The following SIAH1 variants were observed in gnomAD, a reference collection of about 807,000 sequenced individuals.
The protein encoded by SIAH1 is E3 ubiquitin-protein ligase SIAH1.
Under a neutral mutation model 20.0 loss-of-function variants are expected in SIAH1, and 2 were observed. The observed-to-expected ratio is 0.10, with a 90% CI of 0.04 to 0.31. The LOEUF (loss-of-function observed/expected upper bound fraction) is 0.31, where lower values mean the gene tolerates loss of function less well. Among genes scored for constraint, SIAH1 ranks in the 10% least tolerant of loss-of-function variants. The pLI, the probability that SIAH1 is intolerant of heterozygous loss-of-function variation, is 1.00. For missense variants in SIAH1, 119 were observed against 355.3 expected (o/e 0.33, Z 5.35); for synonymous variants, 118 against 125.3 (o/e 0.94, Z 0.39).
At chr16:48,370,000 T>C (rs1960943042) in intron 1 of SIAH1, among the ~76,000 whole-genome samples, 1 of 152,254 alleles carries the variant, frequency 6.6e-6, no homozygotes, top group Non-Finnish European at 1.5e-5. Flanking sequence ...CTTACAATCC[T>C]GGTCACAACT....
rs1345240571 is a variant in SIAH1, at chr16:48,372,586, C to T, written c.-2-10156G>A. 3.9e-5 allele frequency among the ~76,000 whole-genome samples: 6 copies of T among 152,128 alleles called. No individual in the cohort carries two copies. The East Asian group carries it at 7.7e-4, about 20-fold the overall frequency. On this transcript the variant is annotated intron_variant, in intron 1 of 1. Transcript: ENST00000394725. ...CTCTAAGTTGGTCCTATTTTCTCTACGCAAGCTAGAGAAAAGCTGAGGTCG... is the reference window on the plus strand; with the variant it reads ...CTCTAAGTTGGTCCTATTTTCTCTATGCAAGCTAGAGAAAAGCTGAGGTCG...
intron 1 of SIAH1, among the ~76,000 whole-genome samples, chr16:48,367,330 T>G (rs919881700): frequency 6.6e-6 from 1 of 152,190 alleles, no homozygotes; most frequent in Non-Finnish European, 1.5e-5. Flanking sequence ...CAAAAGATAT[T>G]TCACTGTTTA....
upstream of SIAH1, among the ~76,000 whole-genome samples, chr16:48,385,824 C>A (rs1227525730): frequency 6.6e-6 from 1 of 152,166 alleles, no homozygotes; most frequent in Non-Finnish European, 1.5e-5. Flanking sequence ...CTTGTGCCCT[C>A]CCCCTTGTTT....
chr16:48,384,118 C>T (rs573892054), intron 1 of SIAH1, among the ~76,000 whole-genome samples: 24 of 152,322 alleles, frequency 1.6e-4, no homozygotes, highest in African/African-American at 5.5e-4. Flanking sequence ...ACTTCACAGC[C>T]CGTGCTCTCA....
rs865807386 is a variant in SIAH1, at chr16:48,362,835, G to A, written c.-2-405C>T. The A allele has an allele frequency of 1.6e-4, 30 of 192,150 alleles. No individual in the cohort carries two copies. The highest frequency in any genetic ancestry group is 2.7e-4 in the Non-Finnish European group (23 of 83,812). 11.9% of individuals were successfully genotyped at this position (192,150 alleles called of 1,614,324 possible). ...TTACTCTATTTCTTTCTAATTTGGA[G>A]TCAGCTGTTGATAGGTACAGGGAGT... On this transcript the variant is annotated intron_variant, in intron 1 of 1. Coordinates refer to ENST00000394725, the MANE Select transcript of SIAH1 (RefSeq NM_003031.4). The surrounding 1 kb of genome is among the most constrained non-coding windows in gnomAD (Gnocchi z 4.2).
intron 1 of SIAH1, among the ~76,000 whole-genome samples, chr16:48,376,920 T>C (rs915193799): frequency 6.6e-6 from 1 of 152,220 alleles, no homozygotes; most frequent in Non-Finnish European, 1.5e-5. Flanking sequence ...AAGAAGTTTT[T>C]AACAGGGAGA....
At chr16:48,371,087 C>A (rs1960975159) in intron 1 of SIAH1, among the ~76,000 whole-genome samples, 1 of 142,616 alleles carries the variant, frequency 7.0e-6, no homozygotes, top group Non-Finnish European at 1.5e-5. Context: ...GCACTCCAGT[C>A]TGGGCAACAA....
chr16:48,365,605 T>C, intron 1 of SIAH1: 1 of 1,458,456 alleles, frequency 6.9e-7, no homozygotes, highest in Non-Finnish European at 9.0e-7. Flanking sequence ...TACCATTTAC[T>C]TCTCAGAAGC....
rs764333936 is a variant in SIAH1, at chr16:48,362,387, C to T, written c.42G>A (p.Ser14=). 33 of 1,613,994 alleles carry T rather than the reference C, an allele frequency of 2.0e-5. No individual in the cohort carries two copies. Among genetic ancestry groups the T allele is most frequent in the Admixed American group, 2.0e-4 (12 of 59,992 alleles). ...GCACCCTCTGGGATGGTGGACACTT[C>T]GAGGTACCGGTAGGTAATGCTGTAG... ...QTATALPTGT[S]KCPPSQRVPA... Residue 14 remains serine (S), a synonymous_variant, in exon 2 of 2, where the codon TCG becomes TCA. Coordinates refer to ENST00000394725, the MANE Select transcript of SIAH1 (RefSeq NM_003031.4). This position sits in a 1 kb window ranked among gnomAD's most constrained non-coding sequence, Gnocchi z 4.2.
chr16:48,386,688 G>T (rs1567380699), upstream of SIAH1, among the ~76,000 whole-genome samples: 1 of 152,188 alleles, frequency 6.6e-6, no homozygotes, highest in Non-Finnish European at 1.5e-5. Context: ...ACACGGGAAG[G>T]TCAATAGAGT....
chr16:48,382,536 G>A (rs917859764), intron 1 of SIAH1, among the ~76,000 whole-genome samples: 4 of 152,136 alleles, frequency 2.6e-5, no homozygotes, highest in Non-Finnish European at 4.4e-5. Context: ...AGTAACTATA[G>A]CCATGGGAAC....
At chr16:48,364,467 G>T (rs1459404828) in intron 1 of SIAH1, among the ~76,000 whole-genome samples, 1 of 152,188 alleles carries the variant, frequency 6.6e-6, no homozygotes, top group African/African-American at 2.4e-5. Flanking sequence ...GTATTTTAAA[G>T]TTCCAGAGGC....
chr16:48,366,735 A>C (rs1425512986), intron 1 of SIAH1, among the ~76,000 whole-genome samples: 13 of 152,202 alleles, frequency 8.5e-5, no homozygotes, highest in Non-Finnish European at 1.9e-4. Flanking sequence ...AGTGAACCCA[A>C]TGCAAGGAAT....
intron 1 of SIAH1, chr16:48,365,545 T>C: frequency 6.4e-7 from 1 of 1,568,448 alleles, no homozygotes; most frequent in Non-Finnish European, 8.6e-7. Flanking sequence ...GGGCTCTTTC[T>C]GCTCCTAAGC....
chr16:48,378,084 G>A (rs2151053372), intron 1 of SIAH1, among the ~76,000 whole-genome samples: 1 of 152,272 alleles, frequency 6.6e-6, no homozygotes, highest in Non-Finnish European at 1.5e-5. Flanking sequence ...GGGCGCAGTG[G>A]CTCACGCCTG....
chr16:48,365,409 C>T, intron 1 of SIAH1: 1 of 1,613,956 alleles, frequency 6.2e-7, no homozygotes, highest in Non-Finnish European at 8.5e-7. Flanking sequence ...TTGTCCTGGC[C>T]GCTGGTAAAC....
chr16:48,380,984 G>A (rs987921602), intron 1 of SIAH1, among the ~76,000 whole-genome samples: 3 of 149,712 alleles, frequency 2.0e-5, no homozygotes, highest in Admixed American at 6.7e-5. Context: ...CTCCAAATCC[G>A]GCCGAGGATA....
At chr16:48,366,672 C>G (rs1461981702) in intron 1 of SIAH1, among the ~76,000 whole-genome samples, 1 of 152,194 alleles carries the variant, frequency 6.6e-6, no homozygotes, top group Admixed American at 6.5e-5. Context: ...TTTAACCTGT[C>G]ATTACATCAT....
rs1318117814 is a variant in SIAH1, at chr16:48,361,810, C to T, written c.619G>A (p.Ala207Thr). 6.2e-7 allele frequency: 1 copy of T among 1,614,124 alleles called. No individual in the cohort carries two copies. The highest frequency in any genetic ancestry group is 8.5e-7 in the Non-Finnish European group (1 of 1,180,026). Residue 207 changes from alanine to threonine, a missense_variant, in exon 2 of 2, where the codon GCA becomes ACA. Coordinates refer to ENST00000394725, the MANE Select transcript of SIAH1 (RefSeq NM_003031.4). ...EKYDGHQQFF[A>T]IVQLIGTRKQ... Reference sequence around the variant, plus strand: ...CGTGTTCCTATCAGCTGTACGATTGCGAAGAACTGCTGGTGACCATCGTAT... The same window carrying T: ...CGTGTTCCTATCAGCTGTACGATTGTGAAGAACTGCTGGTGACCATCGTAT...
Sources: allele counts gnomAD v4.1 joint callset (sites outside exome capture counted in the v4.1 genomes callset), GRCh38; gene constraint gnomAD v4.1.1; non-coding constraint Gnocchi (gnomAD v3.1); transcripts MANE v1.5; gene names NCBI Gene and HGNC (gene_info 2026-07-23, HGNC 2026-07-21).